The following MTA3 variants were observed in gnomAD, a reference collection of about 807,000 sequenced individuals.
The protein encoded by MTA3 is metastasis associated 1 family member 3.
Under a neutral mutation model 83.5 loss-of-function variants are expected in MTA3, and 34 were observed. The observed-to-expected ratio is 0.41, with a 90% CI of 0.31 to 0.54. The LOEUF (loss-of-function observed/expected upper bound fraction) is 0.54. Among genes scored for constraint, MTA3 ranks in the 20% least tolerant of loss-of-function variants. The pLI is 0.33. For synonymous variants in MTA3, 303 were observed against 252.7 expected (o/e 1.20, Z -1.89); for missense variants, 761 against 726.4 (o/e 1.05, Z -0.55).
chr2:42,552,641 A>G (rs958777095), intron 2 of MTA3, among the ~76,000 whole-genome samples: 2 of 150,248 alleles, frequency 1.3e-5, no homozygotes, highest in Non-Finnish European at 3.0e-5. Context: ...AAAAAAAAAG[A>G]AGAAGAAGAA....
intron 3 of MTA3, among the ~76,000 whole-genome samples, chr2:42,606,264 G>A (rs1302434721): frequency 2.7e-5 from 4 of 149,234 alleles, no homozygotes; most frequent in Non-Finnish European, 4.5e-5. Context: ...CTTCCCAGAT[G>A]GGGTGGCTGC....
At chr2:42,606,737 G>C (rs1352572746) in intron 3 of MTA3, among the ~76,000 whole-genome samples, 1 of 151,692 alleles carries the variant, frequency 6.6e-6, no homozygotes, top group African/African-American at 2.4e-5. Context: ...GCGGCTGGGA[G>C]GTGTAGGTTG....
chr2:42,720,951 C>CAAAAAAAAAAAAAAAAAAAAAAAG (rs1667363027), intron 15 of MTA3, among the ~76,000 whole-genome samples: 1 of 69,588 alleles, frequency 1.4e-5, no homozygotes, highest in Non-Finnish European at 2.8e-5. Context: ...GACCCTGTCT[C>CAAAAAAAAAAAAAAAAAAAAAAAG]AAAAAAAAAA....
chr2:42,667,405 C>G (rs1263394636), intron 8 of MTA3, among the ~76,000 whole-genome samples: 1 of 152,066 alleles, frequency 6.6e-6, no homozygotes, highest in African/African-American at 2.4e-5. Flanking sequence ...AACTCTAACT[C>G]TCCATCCCCT....
intron 15 of MTA3, among the ~76,000 whole-genome samples, chr2:42,720,872 A>T (rs1311043746): frequency 6.9e-6 from 1 of 144,912 alleles, no homozygotes; most frequent in Admixed American, 7.2e-5. Context: ...TGACCGCTTG[A>T]GCCCAGGAGG....
chr2:42,721,528 C>T (rs1372590058), intron 15 of MTA3, among the ~76,000 whole-genome samples: 1 of 151,900 alleles, frequency 6.6e-6, no homozygotes. Flanking sequence ...AGGGTTTCAC[C>T]ATGTTGCTCA....
chr2:42,585,280 G>C (rs562749153), intron 3 of MTA3, among the ~76,000 whole-genome samples: 2 of 151,846 alleles, frequency 1.3e-5, no homozygotes, highest in Admixed American at 1.3e-4. Flanking sequence ...TAGAGACGGG[G>C]TTTCTCCATG....
At chr2:42,618,468 CTT>C (rs2104167802) in intron 4 of MTA3, among the ~76,000 whole-genome samples, 1 of 152,158 alleles carries the variant, frequency 6.6e-6, no homozygotes, top group African/African-American at 2.4e-5. Flanking sequence ...TTTAAATAAA[CTT>C]ATGTGTATTT....
chr2:42,615,266 T>C (rs1296419674), intron 4 of MTA3, among the ~76,000 whole-genome samples: 2 of 151,914 alleles, frequency 1.3e-5, no homozygotes, highest in African/African-American at 2.4e-5. Context: ...TTTTCTTTTT[T>C]TTTTTTTTAA....
chr2:42,721,082 G>A (rs892527721), intron 15 of MTA3, among the ~76,000 whole-genome samples: 4 of 151,646 alleles, frequency 2.6e-5, no homozygotes, highest in African/African-American at 7.3e-5. Flanking sequence ...GGCCCAGACT[G>A]TGCTGTTCTT....
At chr2:42,558,902 C>G (rs1288462761) in intron 2 of MTA3, among the ~76,000 whole-genome samples, 1 of 151,316 alleles carries the variant, frequency 6.6e-6, no homozygotes, top group Non-Finnish European at 1.5e-5. Context: ...CTAATTAAAT[C>G]AGGATTTCTT....
chr2:42,609,332 A>C (rs564867145), intron 3 of MTA3, 126 bp from the exon 4 acceptor site: 6 of 1,083,372 alleles, frequency 5.5e-6, no homozygotes, highest in East Asian at 2.7e-5. Flanking sequence ...GCACCTGGCA[A>C]ATGTTTAAAT....
intron 2 of MTA3, among the ~76,000 whole-genome samples, chr2:42,549,053 A>C (rs1275485051): frequency 7.3e-6 from 1 of 136,204 alleles, no homozygotes; most frequent in African/African-American, 2.8e-5. Context: ...GCATGCCTGT[A>C]ATCCCAGCTA....
Position 42,609,447 on chromosome 2 carries a change from T to C in MTA3, c.191-11T>C, listed in dbSNP as rs1358494349. The C allele has an allele frequency of 6.2e-7, 1 of 1,612,836 alleles. No individual in the cohort carries two copies. The highest frequency in any genetic ancestry group is 1.3e-5 in the African/African-American group (1 of 74,896). ...TTGTACTAATAAATTCTTTGAATTT[T>C]ATTTGTGTAGAAGAAATTGAGGAAG... On this transcript the variant is annotated splice_polypyrimidine_tract_variant and intron_variant, in intron 3 of 16. Transcript: ENST00000405094.
chr2:42,700,816 T>C (rs1376991595), intron 11 of MTA3, among the ~76,000 whole-genome samples: 1 of 152,220 alleles, frequency 6.6e-6, no homozygotes, highest in Non-Finnish European at 1.5e-5. Flanking sequence ...AAATATGTTT[T>C]AGGGCCAGGT....
chr2:42,557,703 T>A (rs1677466001), intron 2 of MTA3, among the ~76,000 whole-genome samples: 1 of 152,198 alleles, frequency 6.6e-6, no homozygotes, highest in East Asian at 1.9e-4. Context: ...CTTCGAAGTT[T>A]AGCTTGAGCT....
At position 42,657,002 on chromosome 2, in the gene MTA3, A is replaced by G. The variant is rs138025368; in HGVS notation, c.602+700A>G. On this transcript the variant is annotated intron_variant, in intron 7 of 16. Transcript: ENST00000405094. The stretch of plus-strand genomic sequence containing the variant: ...ATTTATGTGTATACAGAGTAATTAT[A>G]AAATGTTTGCTGTGTACAAAACTAT... Among the ~76,000 whole-genome samples the G allele has an allele frequency of 6.3e-4, 96 of 152,336 alleles. 1 individual carries two copies. Among genetic ancestry groups the G allele is most frequent in the African/African-American group, 2.1e-3 (86 of 41,580 alleles).
At chr2:42,497,418 C>A (rs569055500) in intron 2 of MTA3, among the ~76,000 whole-genome samples, 30 of 151,768 alleles carry the variant, frequency 2.0e-4, no homozygotes, top group African/African-American at 5.3e-4. Flanking sequence ...AACCCCGTCC[C>A]TACTAAAAAT....
intron 2 of MTA3, among the ~76,000 whole-genome samples, chr2:42,536,199 C>T (rs141391434): frequency 5.0e-4 from 75 of 151,190 alleles, no homozygotes; most frequent in African/African-American, 1.6e-3. Flanking sequence ...TTAGGCTGGG[C>T]GCAGTTGCTC....
Sources: allele counts gnomAD v4.1 joint callset (sites outside exome capture counted in the v4.1 genomes callset), GRCh38; gene constraint gnomAD v4.1.1; transcripts MANE v1.5; gene names NCBI Gene and HGNC (gene_info 2026-07-23, HGNC 2026-07-21).